The following ACTR3C variants were observed in gnomAD, a reference collection of about 807,000 sequenced individuals.
ACTR3C encodes actin-related protein 3C.
A neutral mutation model predicts 26.3 loss-of-function variants in ACTR3C; 18 were observed. The ratio of observed to expected loss-of-function variants is 0.68; its 90% confidence interval spans 0.47 to 1.01. The LOEUF (loss-of-function observed/expected upper bound fraction) is 1.01. ACTR3C is among the 50% of genes least tolerant of loss of function. The probability of loss-of-function intolerance (pLI) is 0.00; values close to 1 mark genes in which losing one functional copy is unlikely to be tolerated. For synonymous variants in ACTR3C, 55 were observed against 94.5 expected (o/e 0.58, Z 2.42); for missense variants, 184 against 250.7 (o/e 0.73, Z 1.80).
At chr7:149,943,455 A>G in the ACTR3C span, among the ~76,000 whole-genome samples, 1 of 151,378 alleles carries the variant, frequency 6.6e-6, no homozygotes, top group Non-Finnish European at 1.5e-5. Context: ...GGCCAGGCTC[A>G]GTGACTCACT....
the ACTR3C span, among the ~76,000 whole-genome samples, chr7:150,123,243 T>C: frequency 6.6e-6 from 1 of 151,084 alleles, no homozygotes; most frequent in African/African-American, 2.4e-5. Flanking sequence ...TAAAAAAAGG[T>C]AAAATCAGGA....
At chr7:150,221,810 C>T in the ACTR3C span, among the ~76,000 whole-genome samples, 1 of 151,928 alleles carries the variant, frequency 6.6e-6, no homozygotes, top group Non-Finnish European at 1.5e-5. Context: ...CTGGCTAACA[C>T]AGTGAAACCC....
chr7:150,046,947 A>T, the ACTR3C span, among the ~76,000 whole-genome samples: 1 of 152,134 alleles, frequency 6.6e-6, no homozygotes. Flanking sequence ...GAGGGGAGAC[A>T]GACACGGCCT....
At chr7:150,245,388 A>G (rs1035792948), downstream of ACTR3C, 6 of 152,132 alleles carry the variant, frequency 3.9e-5, no homozygotes, top group African/African-American at 1.4e-4. Context: ...CCTGTGGGTC[A>G]CATGGTGACT....
the ACTR3C span, among the ~76,000 whole-genome samples, chr7:150,042,146 A>G: frequency 5.5e-5 from 2 of 36,116 alleles, no homozygotes; most frequent in Admixed American, 2.7e-4. Flanking sequence ...CCAGTGGGGG[A>G]ACCAGGGGCT....
At chr7:150,318,513 C>T (rs1387285664) in intron 1 of ACTR3C, among the ~76,000 whole-genome samples, 1 of 152,158 alleles carries the variant, frequency 6.6e-6, no homozygotes, top group Non-Finnish European at 1.5e-5. Flanking sequence ...CCTGTAATCC[C>T]AGCACTTTGG....
chr7:150,175,815 C>CAAA, the ACTR3C span, among the ~76,000 whole-genome samples: 34 of 46,150 alleles, frequency 7.4e-4, no homozygotes, highest in African/African-American at 1.6e-3. Flanking sequence ...TCCATCTGAA[C>CAAA]AAAAAAAAAA....
chr7:150,042,225 T>G, the ACTR3C span, among the ~76,000 whole-genome samples: 32 of 9,520 alleles, frequency 3.4e-3, no homozygotes, highest in Admixed American at 8.0e-3. Flanking sequence ...CAGCCGGGGG[T>G]GGAAGAGGGG....
the ACTR3C span, among the ~76,000 whole-genome samples, chr7:149,926,447 C>T: frequency 2.6e-5 from 4 of 152,194 alleles, no homozygotes; most frequent in African/African-American, 7.2e-5. Context: ...ATGCCAATGC[C>T]TTGCTTTCCT....
chr7:150,320,213 A>G (rs773249272), intron 1 of ACTR3C, among the ~76,000 whole-genome samples: 6 of 152,266 alleles, frequency 3.9e-5, no homozygotes, highest in Non-Finnish European at 7.3e-5. Context: ...AAAGTACAGT[A>G]AAGTTTAAAT....
chr7:149,946,112 G>A, the ACTR3C span, among the ~76,000 whole-genome samples: 20 of 152,300 alleles, frequency 1.3e-4, no homozygotes, highest in East Asian at 3.9e-4. Context: ...CAGAGTCCGC[G>A]TCTGCATGAA....
the ACTR3C span, among the ~76,000 whole-genome samples, chr7:149,996,254 G>C: frequency 6.6e-6 from 1 of 151,672 alleles, no homozygotes; most frequent in African/African-American, 2.4e-5. Context: ...GGAGAGGAAG[G>C]GGTAGGCTTG....
intron 1 of ACTR3C, among the ~76,000 whole-genome samples, chr7:150,314,457 G>A (rs1272286056): frequency 6.6e-6 from 1 of 152,070 alleles, no homozygotes; most frequent in Non-Finnish European, 1.5e-5. Flanking sequence ...TCAGAAGAAG[G>A]AAATAGGGAA....
chr7:150,226,827 G>A, the ACTR3C span, among the ~76,000 whole-genome samples: 1 of 152,172 alleles, frequency 6.6e-6, no homozygotes, highest in Non-Finnish European at 1.5e-5. Context: ...ATCTGCTTTG[G>A]TGAGATGTCT....
At chr7:150,294,089 G>A (rs938565311) in intron 2 of ACTR3C, among the ~76,000 whole-genome samples, 8 of 152,170 alleles carry the variant, frequency 5.3e-5, no homozygotes, top group Non-Finnish European at 7.3e-5. Flanking sequence ...CACTTGTGGC[G>A]TTGTTTAAAA....
chr7:150,058,239 A>G, the ACTR3C span, among the ~76,000 whole-genome samples: 3 of 152,184 alleles, frequency 2.0e-5, no homozygotes, highest in Non-Finnish European at 4.4e-5. Context: ...TTTGGATAAG[A>G]CCGGAAGGTT....
the ACTR3C span, among the ~76,000 whole-genome samples, chr7:150,235,028 G>A: frequency 6.6e-6 from 1 of 152,120 alleles, no homozygotes; most frequent in Non-Finnish European, 1.5e-5. Context: ...GACCACATTA[G>A]CACTAGGCTT....
downstream of ACTR3C, among the ~76,000 whole-genome samples, chr7:150,240,770 T>A (rs560637785): frequency 1.3e-5 from 2 of 152,268 alleles, no homozygotes; most frequent in Admixed American, 1.3e-4. Flanking sequence ...ATAAACGAAG[T>A]AACACTGTTG....
At chr7:150,242,194 C>T (rs1236448311), downstream of ACTR3C, among the ~76,000 whole-genome samples, 10 of 147,868 alleles carry the variant, frequency 6.8e-5, no homozygotes, top group South Asian at 2.1e-4. Context: ...CCAGCCTGGG[C>T]GACACAGTGA....
Sources: allele counts gnomAD v4.1 joint callset (sites outside exome capture counted in the v4.1 genomes callset), GRCh38; gene constraint gnomAD v4.1.1; transcripts MANE v1.5; gene names NCBI Gene and HGNC (gene_info 2026-07-23, HGNC 2026-07-21).